The following ADGRG6 variants were observed in gnomAD, a reference collection of about 807,000 sequenced individuals.
ADGRG6 encodes G-protein coupled receptor 126.
Under a neutral mutation model 142.4 loss-of-function variants are expected in ADGRG6, and 84 were observed. The observed-to-expected ratio is 0.59, with a 90% CI of 0.49 to 0.71. The LOEUF is 0.71. Among genes scored for constraint, ADGRG6 ranks in the 30% least tolerant of loss-of-function variants. The pLI, the probability that ADGRG6 is intolerant of heterozygous loss-of-function variation, is 0.00. For synonymous variants in ADGRG6, 521 were observed against 520.5 expected (o/e 1.00, Z -0.01); for missense variants, 1,367 against 1,466.6 (o/e 0.93, Z 1.11).
chr6:142,361,148 G>A (rs1780694297), intron 2 of ADGRG6, among the ~76,000 whole-genome samples: 1 of 152,188 alleles, frequency 6.6e-6, no homozygotes, highest in South Asian at 2.1e-4. Flanking sequence ...TTCAGGTCAG[G>A]CGTTTACTCC....
At chr6:142,305,894 TAGA>T (rs1777470877) in intron 1 of ADGRG6, among the ~76,000 whole-genome samples, 8 of 147,814 alleles carry the variant, frequency 5.4e-5, no homozygotes, top group Admixed American at 2.1e-4. Context: ...ATCGAGTTAA[TAGA>T]ATAGCACTTT....
intron 5 of ADGRG6, among the ~76,000 whole-genome samples, 175 bp downstream of exon 5, chr6:142,382,194 A>G (rs996549053): frequency 6.6e-6 from 1 of 152,208 alleles, no homozygotes; most frequent in Non-Finnish European, 1.5e-5. Context: ...TACGTACGGC[A>G]TGGAGAAAGA....
intron 2 of ADGRG6, among the ~76,000 whole-genome samples, chr6:142,339,248 A>C (rs1213815834): frequency 1.3e-5 from 2 of 152,236 alleles, no homozygotes; most frequent in Non-Finnish European, 2.9e-5. Flanking sequence ...CAGTTGCAAG[A>C]ACAAGCCAGG....
At chr6:142,371,913 T>A (rs932035642) in intron 4 of ADGRG6, among the ~76,000 whole-genome samples, 4 of 152,248 alleles carry the variant, frequency 2.6e-5, no homozygotes, top group Non-Finnish European at 5.9e-5. Context: ...CTCAGCCAGT[T>A]TAAATATCAA....
At chr6:142,334,606 T>G (rs1779222515) in intron 2 of ADGRG6, among the ~76,000 whole-genome samples, 1 of 152,138 alleles carries the variant, frequency 6.6e-6, no homozygotes, top group Admixed American at 6.5e-5. Context: ...AGTAATGAGC[T>G]TCCTGTCACT....
chr6:142,365,240 C>A (rs1434593494), intron 2 of ADGRG6, among the ~76,000 whole-genome samples: 2 of 152,162 alleles, frequency 1.3e-5, no homozygotes, highest in Non-Finnish European at 2.9e-5. Flanking sequence ...CAGCCCAACA[C>A]CCCACCCAAA....
chr6:142,403,212 T>C (rs1290492830), intron 13 of ADGRG6, among the ~76,000 whole-genome samples: 2 of 152,152 alleles, frequency 1.3e-5, no homozygotes, highest in African/African-American at 4.8e-5. Flanking sequence ...CACATGATTG[T>C]TGGACTTCTG....
Position 142,420,109 on chromosome 6 carries a change from G to A in ADGRG6, c.3319+5G>A. 1 of 1,606,048 alleles carries A rather than the reference G, an allele frequency of 6.2e-7. No homozygotes were observed. The highest frequency in any genetic ancestry group is 8.5e-7 in the Non-Finnish European group (1 of 1,173,498). On this transcript the variant is annotated splice_donor_5th_base_variant and intron_variant, in intron 22 of 24. Coordinates refer to ENST00000367609, the MANE Select transcript of ADGRG6 (RefSeq NM_198569.3). ...CCATCTTCAATTCATTACAAGGTAAGATAAATTGTACATGAATAGTCTCTG... is the reference window on the plus strand; with the variant it reads ...CCATCTTCAATTCATTACAAGGTAAAATAAATTGTACATGAATAGTCTCTG...
At chr6:142,317,507 T>C (rs73578320) in intron 2 of ADGRG6, among the ~76,000 whole-genome samples, 116 of 151,148 alleles carry the variant, frequency 7.7e-4, no homozygotes, top group African/African-American at 2.5e-3. Flanking sequence ...TATTAAAATA[T>C]GTTTAACATT....
chr6:142,428,787 G>A (rs1220389692), intron 22 of ADGRG6, among the ~76,000 whole-genome samples: 1 of 152,114 alleles, frequency 6.6e-6, no homozygotes, highest in Non-Finnish European at 1.5e-5. Flanking sequence ...GTTGACATTT[G>A]GGGATTATGG....
chr6:142,437,999 T>C, intron 23 of ADGRG6: 1 of 378,050 alleles, frequency 2.6e-6, no homozygotes. Context: ...CTTTGGGATA[T>C]TGAAAGTGAG....
At chr6:142,361,038 T>C (rs1029352847) in intron 2 of ADGRG6, among the ~76,000 whole-genome samples, 1 of 152,202 alleles carries the variant, frequency 6.6e-6, no homozygotes. Flanking sequence ...AATGTCATCA[T>C]TCTTCTTTTT....
At chr6:142,420,196 CTG>C in intron 22 of ADGRG6, 92 bp downstream of exon 22, 1 of 966,416 alleles carries the variant, frequency 1.0e-6, no homozygotes, top group Non-Finnish European at 1.6e-6. Context: ...TGTTAAGTTT[CTG>C]TGTCACTATT....
intron 3 of ADGRG6, among the ~76,000 whole-genome samples, chr6:142,368,187 G>T (rs1781046925): frequency 6.6e-6 from 1 of 152,120 alleles, no homozygotes; most frequent in Non-Finnish European, 1.5e-5. Flanking sequence ...GATATTCCAC[G>T]GCTAATAATT....
At chr6:142,439,078 G>A (rs145438407) in intron 24 of ADGRG6, among the ~76,000 whole-genome samples, 240 of 152,240 alleles carry the variant, frequency 1.6e-3, no homozygotes, top group Non-Finnish European at 2.6e-3. Flanking sequence ...TTGTGCCCTG[G>A]AGTTCAGGCT....
Position 142,409,918 on chromosome 6 carries a change from C to T in ADGRG6, c.2433C>T (p.Asn811=), listed in dbSNP as rs1307652410. 2.1e-6 allele frequency: 3 copies of T among 1,420,156 alleles called. No individual in the cohort carries two copies. The highest frequency in any genetic ancestry group is 2.9e-6 in the Non-Finnish European group (3 of 1,021,040). 88.0% of individuals were successfully genotyped at this position (1,420,156 alleles called of 1,614,324 possible). The stretch of plus-strand genomic sequence containing the variant: ...GTGCCTTCTGGGATCTGAACAAAAA[C>T]AGTAAGTTTTAAAATATTGGTTGTC... ...PICAFWDLNK[N]KSFGGWNTSG... The change falls in exon 17 of 25, where the codon AAC becomes AAT. Residue 811 remains asparagine (N), a splice_region_variant and synonymous_variant. Transcript: ENST00000367609.
chr6:142,322,933 A>T (rs1262393688), intron 2 of ADGRG6, among the ~76,000 whole-genome samples: 1 of 152,106 alleles, frequency 6.6e-6, no homozygotes, highest in Non-Finnish European at 1.5e-5. Context: ...TCAATCAAAC[A>T]CTTGAAAACA....
At chr6:142,409,808 T>A (rs1464324920) in intron 16 of ADGRG6, 66 bp from the exon 17 acceptor site, 2 of 705,536 alleles carry the variant, frequency 2.8e-6, no homozygotes, top group East Asian at 5.6e-5. Context: ...GTTTTTATTC[T>A]TTTGCCATAT....
intron 24 of ADGRG6, among the ~76,000 whole-genome samples, chr6:142,440,641 TAAC>T (rs1022025165): frequency 1.3e-5 from 2 of 152,120 alleles, no homozygotes; most frequent in Non-Finnish European, 2.9e-5. Context: ...TTGTTTCCCT[TAAC>T]AAAAAACCCT....
Sources: gnomAD v4.1 joint callset for allele counts (sites outside exome capture counted in the v4.1 genomes callset) on GRCh38, gnomAD v4.1.1 for gene constraint, MANE v1.5 for transcripts, NCBI Gene and HGNC (gene_info 2026-07-23, HGNC 2026-07-21) for gene names.